EBF1: variants seen among roughly 807,000 people sequenced by gnomAD.
EBF1 encodes the protein EBF transcription factor 1, also known as transcription factor COE1.
A neutral mutation model predicts 68.4 loss-of-function variants in EBF1; 10 were observed. The ratio of observed to expected loss-of-function variants is 0.15; its 90% CI spans 0.09 to 0.25. The LOEUF (loss-of-function observed/expected upper bound fraction) is 0.25, where lower values mean the gene tolerates loss of function less well. Among genes scored for constraint, EBF1 ranks in the 10% least tolerant of loss-of-function variants. EBF1 has a pLI of 1.00. For synonymous variants in EBF1, 298 were observed against 299.8 expected, an observed-to-expected ratio of 0.99 and a Z score of 0.06; for missense variants, 509 against 794.4, an observed-to-expected ratio of 0.64 and a Z score of 4.32.
intron 5 of EBF1, among the ~76,000 whole-genome samples, chr5:159,079,132 T>C (rs1160974621): frequency 1.3e-5 from 2 of 152,200 alleles, no homozygotes; most frequent in Non-Finnish European, 2.9e-5. Flanking sequence ...CATTACATAA[T>C]AGGCTCTTCT....
intron 11 of EBF1, among the ~76,000 whole-genome samples, chr5:158,721,573 G>A (rs1312631249): frequency 1.3e-5 from 2 of 152,194 alleles, no homozygotes; most frequent in African/African-American, 4.8e-5. Context: ...TTTATTGAGT[G>A]AAAATTGTTC....
At chr5:158,839,502 C>A (rs1014711455) in intron 7 of EBF1, among the ~76,000 whole-genome samples, 7 of 152,146 alleles carry the variant, frequency 4.6e-5, no homozygotes, top group African/African-American at 1.7e-4. Flanking sequence ...CCTACCTTAG[C>A]CTCCCGAGTA....
chr5:158,977,883 T>TAC (rs1242976656), intron 6 of EBF1, among the ~76,000 whole-genome samples: 4 of 151,920 alleles, frequency 2.6e-5, no homozygotes, highest in Non-Finnish European at 4.4e-5. Flanking sequence ...GAAAGAGACA[T>TAC]ACACACACAC....
chr5:158,768,128 G>A (rs974098092), intron 10 of EBF1, among the ~76,000 whole-genome samples: 1 of 152,028 alleles, frequency 6.6e-6, no homozygotes. Flanking sequence ...ACTCATTTGG[G>A]GATGGCTGAT....
chr5:159,079,579 T>G (rs1238530214), intron 5 of EBF1, among the ~76,000 whole-genome samples: 8 of 146,538 alleles, frequency 5.5e-5, no homozygotes, highest in Admixed American at 5.4e-4. Flanking sequence ...TGACTCCCCC[T>G]CTTTGAAACA....
At chr5:158,745,251 A>G (rs912647547) in intron 10 of EBF1, among the ~76,000 whole-genome samples, 1 of 152,184 alleles carries the variant, frequency 6.6e-6, no homozygotes, top group Non-Finnish European at 1.5e-5. Context: ...CATTACAATC[A>G]CATATTTGTT....
intron 7 of EBF1, among the ~76,000 whole-genome samples, chr5:158,834,469 C>T (rs962180967): frequency 6.6e-6 from 1 of 151,424 alleles, no homozygotes; most frequent in Admixed American, 6.6e-5. Context: ...ACCCTAACTA[C>T]AGCCTAGGGA....
intron 10 of EBF1, among the ~76,000 whole-genome samples, chr5:158,776,721 T>C (rs1413111905): frequency 6.6e-6 from 1 of 152,150 alleles, no homozygotes; most frequent in East Asian, 1.9e-4. Context: ...TACCTAGACC[T>C]ACTGTAGCAG....
intron 6 of EBF1, among the ~76,000 whole-genome samples, chr5:158,917,182 C>T (rs1461591660): frequency 6.6e-6 from 1 of 152,152 alleles, no homozygotes; most frequent in Non-Finnish European, 1.5e-5. Context: ...ATTAAGCTGC[C>T]TATTATACCT....
At chr5:159,041,434 A>G (rs1771180279) in intron 6 of EBF1, among the ~76,000 whole-genome samples, 1 of 152,268 alleles carries the variant, frequency 6.6e-6, no homozygotes, top group Non-Finnish European at 1.5e-5. Context: ...AAAAATAAAT[A>G]CTAAAACAGC....
intron 11 of EBF1, among the ~76,000 whole-genome samples, chr5:158,717,684 C>A (rs780028449): frequency 1.3e-5 from 2 of 151,654 alleles, no homozygotes; most frequent in Non-Finnish European, 2.9e-5. Context: ...TACTAGTATC[C>A]TAAATATTGA....
chr5:158,852,876 G>A (rs1009637082), intron 6 of EBF1, among the ~76,000 whole-genome samples: 3 of 152,120 alleles, frequency 2.0e-5, no homozygotes, highest in Non-Finnish European at 4.4e-5. Context: ...CTTTTGAACA[G>A]CTTCAGTTTA....
chr5:158,993,859 T>C (rs1418306159), intron 6 of EBF1, among the ~76,000 whole-genome samples: 1 of 152,186 alleles, frequency 6.6e-6, no homozygotes, highest in Admixed American at 6.5e-5. Context: ...AACAGACTGA[T>C]GGAACATCTC....
At chr5:158,864,283 G>A (rs1795480206) in intron 6 of EBF1, among the ~76,000 whole-genome samples, 1 of 133,642 alleles carries the variant, frequency 7.5e-6, no homozygotes, top group South Asian at 2.4e-4. Flanking sequence ...TATGAAGAGA[G>A]TACTGGCTTT....
intron 6 of EBF1, among the ~76,000 whole-genome samples, chr5:158,840,897 T>G (rs1234782989): frequency 6.6e-6 from 1 of 151,690 alleles, no homozygotes; most frequent in Non-Finnish European, 1.5e-5. Flanking sequence ...GGTCTCGATC[T>G]CCTGACCTCG....
At chr5:158,903,078 A>T (rs1005165573) in intron 6 of EBF1, among the ~76,000 whole-genome samples, 2 of 152,220 alleles carry the variant, frequency 1.3e-5, no homozygotes, top group African/African-American at 4.8e-5. Context: ...TAGCACTGCC[A>T]TTAGGTTGAG....
At chr5:158,987,228 C>T (rs1244423527) in intron 6 of EBF1, 1 of 152,232 alleles carries the variant, frequency 6.6e-6, no homozygotes, top group Non-Finnish European at 1.5e-5. Context: ...TCAGTTTCTT[C>T]ATCTGTAATA....
intron 11 of EBF1, among the ~76,000 whole-genome samples, chr5:158,723,417 A>G (rs1762341695): frequency 6.6e-6 from 1 of 152,156 alleles, no homozygotes. Flanking sequence ...CTGTGTCCTC[A>G]TCTGTAAAAC....
At chr5:158,732,816 T>G (rs954450780) in intron 10 of EBF1, among the ~76,000 whole-genome samples, 6 of 152,114 alleles carry the variant, frequency 3.9e-5, no homozygotes, top group African/African-American at 1.4e-4. Flanking sequence ...ATTAATAGAG[T>G]GGCATTTTCA....
Sources: allele counts gnomAD v4.1 joint callset (sites outside exome capture counted in the v4.1 genomes callset), GRCh38; gene constraint gnomAD v4.1.1; transcripts MANE v1.5; gene names NCBI Gene and HGNC (gene_info 2026-07-23, HGNC 2026-07-21).